MCU: variants seen among roughly 807,000 people sequenced by gnomAD.
MCU encodes the protein mitochondrial calcium uniporter.
MCU carries 12 observed loss-of-function variants against 45.2 expected under a neutral mutation model. The observed-to-expected ratio is 0.27, with a 90% CI of 0.17 to 0.43. The LOEUF (loss-of-function observed/expected upper bound fraction) is 0.43, where lower values mean the gene tolerates loss of function less well. Ranked by LOEUF, MCU falls within the 20% of genes least tolerant of loss-of-function variation. The pLI, the probability that MCU is intolerant of heterozygous loss-of-function variation, is 1.00. For missense variants in MCU, 324 were observed against 436.7 expected (o/e 0.74, Z 2.30); for synonymous variants, 160 against 165.1 (o/e 0.97, Z 0.24).
At chr10:72,697,905 A>G (rs1191935408) in intron 1 of MCU, among the ~76,000 whole-genome samples, 4 of 151,882 alleles carry the variant, frequency 2.6e-5, no homozygotes, top group Admixed American at 6.6e-5. Flanking sequence ...GTAGCTGGGT[A>G]TATAGGCATG....
At chr10:72,806,595 T>G (rs1315716934) in intron 1 of MCU, among the ~76,000 whole-genome samples, 1 of 152,204 alleles carries the variant, frequency 6.6e-6, no homozygotes, top group Non-Finnish European at 1.5e-5. Context: ...GAACTAGTCA[T>G]GGACCTTGCA....
intron 1 of MCU, among the ~76,000 whole-genome samples, chr10:72,752,720 T>C: frequency 6.6e-6 from 1 of 152,196 alleles, no homozygotes. Context: ...TAAAATCCTC[T>C]CATTTGTAGG....
At chr10:72,696,157 G>T (rs1282945185) in intron 1 of MCU, among the ~76,000 whole-genome samples, 3 of 82,028 alleles carry the variant, frequency 3.7e-5, no homozygotes, top group African/African-American at 1.6e-4. Context: ...GCGAAACTCC[G>T]ACTCAAAAAA....
At chr10:72,755,526 A>C (rs906124032) in intron 1 of MCU, among the ~76,000 whole-genome samples, 2 of 152,224 alleles carry the variant, frequency 1.3e-5, no homozygotes, top group African/African-American at 4.8e-5. Context: ...ATACCTATCC[A>C]ATGAGTTGTG....
chr10:72,769,133 A>G (rs1257005365), intron 1 of MCU, among the ~76,000 whole-genome samples: 1 of 152,152 alleles, frequency 6.6e-6, no homozygotes, highest in Non-Finnish European at 1.5e-5. Context: ...GGTGTGAGCC[A>G]TCATGCCCAG....
intron 1 of MCU, chr10:72,712,302 C>T (rs1842904966): frequency 6.6e-6 from 1 of 152,080 alleles, no homozygotes; most frequent in Admixed American, 6.6e-5. Flanking sequence ...CTGGGAAAAT[C>T]CTTTGTACTT....
At chr10:72,744,447 A>G (rs1843381719) in intron 1 of MCU, among the ~76,000 whole-genome samples, 1 of 152,178 alleles carries the variant, frequency 6.6e-6, no homozygotes, top group African/African-American at 2.4e-5. Context: ...GCAGAACACA[A>G]AACAGCAAGG....
At chr10:72,731,592 C>A (rs1181293761) in intron 1 of MCU, among the ~76,000 whole-genome samples, 2 of 151,704 alleles carry the variant, frequency 1.3e-5, no homozygotes, top group Non-Finnish European at 2.9e-5. Flanking sequence ...AAAAAAAAAA[C>A]AACAATCCAT....
chr10:72,881,291 G>A (rs1406580405), intron 6 of MCU, among the ~76,000 whole-genome samples: 1 of 151,996 alleles, frequency 6.6e-6, no homozygotes, highest in African/African-American at 2.4e-5. Flanking sequence ...GATAGGTAAT[G>A]TATAGCTATT....
chr10:72,857,264 A>G (rs998694961), intron 2 of MCU, among the ~76,000 whole-genome samples: 9 of 149,432 alleles, frequency 6.0e-5, no homozygotes, highest in African/African-American at 2.2e-4. Context: ...TTTTTCAGAC[A>G]GATTCTCACT....
rs370819033 is a variant in MCU, at chr10:72,701,356, G to C, written c.150+9055G>C. ...TTTAGTGCTAGGGATGCACTGAAAG[G>C]CAGGACGCATGTTTTGGATTTAAGC... On this transcript the variant is annotated intron_variant, in intron 1 of 7. Transcript: ENST00000373053. Among the ~76,000 whole-genome samples the C allele has an allele frequency of 3.9e-5, 6 of 152,290 alleles. No individual in the cohort carries two copies. In the South Asian group the frequency reaches 6.2e-4, roughly 16 times the overall value.
chr10:72,772,263 A>T (rs1159486454), intron 1 of MCU, among the ~76,000 whole-genome samples: 2 of 152,250 alleles, frequency 1.3e-5, no homozygotes, highest in Admixed American at 6.5e-5. Flanking sequence ...ACAAACTCCT[A>T]GCCAGCCTTG....
At chr10:72,701,229 A>C in intron 1 of MCU, among the ~76,000 whole-genome samples, 1 of 152,248 alleles carries the variant, frequency 6.6e-6, no homozygotes, top group East Asian at 1.9e-4. Flanking sequence ...GATATAGAAG[A>C]AACCATCTAA....
chr10:72,752,661 C>T (rs1056634680), intron 1 of MCU, among the ~76,000 whole-genome samples: 1 of 152,122 alleles, frequency 6.6e-6, no homozygotes, highest in African/African-American at 2.4e-5. Context: ...TGGGTTTTGC[C>T]TGCTGCATGG....
At chr10:72,813,806 A>ATT (rs11312860) in intron 1 of MCU, among the ~76,000 whole-genome samples, 2,807 of 150,310 alleles carry the variant, frequency 0.019, 98 homozygotes, top group African/African-American at 0.065. Flanking sequence ...TATTTTTGTG[A>ATT]TTTTTTTTTT....
At chr10:72,766,864 TACTC>T (rs1377532870) in intron 1 of MCU, 1 of 152,226 alleles carries the variant, frequency 6.6e-6, no homozygotes, top group African/African-American at 2.4e-5. Context: ...TGAAAAATAA[TACTC>T]AGAAGAGATT....
chr10:72,829,070 C>T (rs1297199448), intron 1 of MCU, among the ~76,000 whole-genome samples: 1 of 152,152 alleles, frequency 6.6e-6, no homozygotes, highest in African/African-American at 2.4e-5. Context: ...CCTGTGATCC[C>T]AGCACTTTGG....
At chr10:72,775,512 T>C (rs1169980672) in intron 1 of MCU, among the ~76,000 whole-genome samples, 1 of 151,826 alleles carries the variant, frequency 6.6e-6, no homozygotes, top group Non-Finnish European at 1.5e-5. Flanking sequence ...CCAAAATTAG[T>C]AGTAGGAAAG....
At position 72,707,484 on chromosome 10, in the gene MCU, C is replaced by A. The variant is rs531259452; in HGVS notation, c.150+15183C>A. On this transcript the variant is annotated intron_variant, in intron 1 of 7. Transcript: ENST00000373053. ...AAAGTCTGGGATTGCAGGCATGCGC[C>A]ACTGCACCTGACTCGCCTTTTGAAA... 5.6e-4 allele frequency among the ~76,000 whole-genome samples: 85 copies of A among 152,298 alleles called. No homozygotes were observed. The Middle Eastern group carries it at 0.02, about 37-fold the overall frequency.
Sources: allele counts gnomAD v4.1 joint callset (sites outside exome capture counted in the v4.1 genomes callset), GRCh38; gene constraint gnomAD v4.1.1; transcripts MANE v1.5; gene names NCBI Gene and HGNC (gene_info 2026-07-23, HGNC 2026-07-21).